Variants in CBX6 observed in about 807,000 individuals in gnomAD.
The protein encoded by CBX6 is chromobox 6.
In CBX6, 7 loss-of-function variants were observed where a neutral mutation model predicts 28.4. That is an observed-to-expected ratio of 0.25 (90% CI 0.14 to 0.46). The LOEUF (loss-of-function observed/expected upper bound fraction) is 0.46, where lower values mean the gene tolerates loss of function less well. Among genes scored for constraint, CBX6 ranks in the 20% least tolerant of loss-of-function variants. The probability of loss-of-function intolerance (pLI) is 0.99; values close to 1 mark genes in which losing one functional copy is unlikely to be tolerated. For missense variants in CBX6, 512 were observed against 606.1 expected (o/e 0.84, Z 1.63); for synonymous variants, 297 against 273.4 (o/e 1.09, Z -0.85).
At position 38,861,423 on chromosome 22, in the gene CBX6, G is replaced by A. The variant is rs776484135; in HGVS notation, c.*4786C>T. On this transcript the variant is annotated 3_prime_UTR_variant, in exon 5 of 5. Transcript: ENST00000407418. ...TACTTTTGAAAAGCCAGTCACAGCT[G>A]GAAGAAGACACAGACACACCCCAAC... is the stretch of plus-strand genomic sequence containing the variant. 2.0e-5 allele frequency: 3 copies of A among 152,246 alleles called. No individual in the cohort carries two copies. Among genetic ancestry groups the A allele is most frequent in the Non-Finnish European group, 2.9e-5 (2 of 68,072 alleles). The allele number at this position is 152,246 out of a possible 1,614,324, so 9.4% of individuals were successfully genotyped here.
Position 38,867,043 on chromosome 22 carries a change from G to A in CBX6, c.405C>T (p.Pro135=), listed in dbSNP as rs753002389. The change falls in exon 5 of 5, where the codon CCC becomes CCT. Residue 135 remains proline, a synonymous_variant. Coordinates refer to ENST00000407418, the MANE Select transcript of CBX6 (RefSeq NM_014292.5). ...GGCTGCCCCCCTGCGGGTCCGGGCG[G>A]GGCAGGGGACGGCGGGACATACGGT... The part of the protein sequence containing the change: ...RCHRMSRRPL[P]RPDPQGGSPG... 6.2e-7 allele frequency: 1 copy of A among 1,605,984 alleles called. No homozygotes were observed. The highest frequency in any genetic ancestry group is 2.2e-5 in the East Asian group (1 of 44,662).
In CBX6 at chr22:38,862,878, A is replaced by C. The variant is rs992265714; in HGVS notation, c.*3331T>G. 14 of 152,318 alleles carry C rather than the reference A, an allele frequency of 9.2e-5. No individual in the cohort carries two copies. The highest frequency in any genetic ancestry group is 1.8e-4 in the Non-Finnish European group (12 of 68,102). 9.4% of individuals were successfully genotyped at this position (152,318 alleles called of 1,614,324 possible). A position where few individuals can be genotyped will look rare whatever the true frequency, so the allele number is the denominator to read the frequency against. ...CATCCTGGGCCCCAGTCCCTGCCGCATTCCCCCAGTGAAGCAGCTGCGCTT... is the reference window on the plus strand; with the variant it reads ...CATCCTGGGCCCCAGTCCCTGCCGCCTTCCCCCAGTGAAGCAGCTGCGCTT... On this transcript the variant is annotated 3_prime_UTR_variant, in exon 5 of 5. Transcript: ENST00000407418.
Position 38,871,353 on chromosome 22 carries a change from G to T in CBX6, c.246+127C>A. On this transcript the variant is annotated intron_variant, in intron 4 of 4. Transcript: ENST00000407418. This position sits in a 1 kb window ranked among gnomAD's most constrained non-coding sequence, Gnocchi z 5.6. ...GGGGCTCACAACCACCCCCTGCCCA[G>T]CTGGGGCCCCTCTGAAAAGGCCGGC... 1 of 905,502 alleles carries T rather than the reference G, an allele frequency of 1.1e-6. No individual in the cohort carries two copies. 56.1% of individuals were successfully genotyped at this position (905,502 alleles called of 1,614,324 possible).
At position 38,862,412 on chromosome 22, in the gene CBX6, T is replaced by C. The variant is rs560194165; in HGVS notation, c.*3797A>G. The C allele has an allele frequency of 2.7e-5, 4 of 149,510 alleles. No individual in the cohort carries two copies. The highest frequency in any genetic ancestry group is 9.8e-5 in the African/African-American group (4 of 40,622). The allele number at this position is 149,510 out of a possible 1,614,324, so 9.3% of individuals were successfully genotyped here. A position where few individuals can be genotyped will look rare whatever the true frequency, so the allele number is the denominator to read the frequency against. ...GTCTTCCTTTTTTCTTTAAAAGTGT[T>C]TCCTCAAACCATCCCCGTCCCAAAG... On this transcript the variant is annotated 3_prime_UTR_variant, in exon 5 of 5. Transcript: ENST00000407418.
Position 38,871,449 on chromosome 22 carries a change from G to A in CBX6, c.246+31C>T, listed in dbSNP as rs200885581. ...CTGTGCCGGGGCTGGGGGCCCGAGA[G>A]GGGGATGCTGCTGGGGCTGGGCCAG... On this transcript the variant is annotated intron_variant, in intron 4 of 4. Coordinates refer to ENST00000407418, the MANE Select transcript of CBX6 (RefSeq NM_014292.5). This position sits in a 1 kb window ranked among gnomAD's most constrained non-coding sequence, Gnocchi z 5.6. The A allele has an allele frequency of 2.5e-6, 4 of 1,586,028 alleles. No homozygotes were observed. The highest frequency in any genetic ancestry group is 3.6e-5 in the Admixed American group (2 of 55,372).
Position 38,861,936 on chromosome 22 carries a change from G to A in CBX6, c.*4273C>T, listed in dbSNP as rs944569605. On this transcript the variant is annotated 3_prime_UTR_variant, in exon 5 of 5. Coordinates refer to ENST00000407418, the MANE Select transcript of CBX6 (RefSeq NM_014292.5). ...TTCGTGCACAATTCATTAAATGAAC[G>A]TCTCAAAAATTAAAAAAATTATAAG... 1 of 152,092 alleles carries A rather than the reference G, an allele frequency of 6.6e-6. No individual in the cohort carries two copies. The highest frequency in any genetic ancestry group is 2.1e-4 in the South Asian group (1 of 4,830). 9.4% of individuals were successfully genotyped at this position (152,092 alleles called of 1,614,324 possible).
In CBX6 at chr22:38,871,343, C is replaced by A; in HGVS notation, c.246+137G>T. ...GGCTTCTGGGGGGGCTCACAACCAC[C>A]CCCTGCCCAGCTGGGGCCCCTCTGA... On this transcript the variant is annotated intron_variant, in intron 4 of 4. Transcript: ENST00000407418. This position sits in a 1 kb window ranked among gnomAD's most constrained non-coding sequence, Gnocchi z 5.6. The A allele has an allele frequency of 1.3e-6, 1 of 773,098 alleles. No individual in the cohort carries two copies. Among genetic ancestry groups the A allele is most frequent in the Non-Finnish European group, 2.1e-6 (1 of 471,006 alleles). 47.9% of individuals were successfully genotyped at this position (773,098 alleles called of 1,614,324 possible).
chr22:38,865,921 A>G lies in CBX6; in HGVS notation c.*288T>C. ...GAAGCAAGCTAGAGAGACAGGTGGGATGTGGAAGGGGCAGAGGAACCCTAG... is the reference window on the plus strand; with the variant it reads ...GAAGCAAGCTAGAGAGACAGGTGGGGTGTGGAAGGGGCAGAGGAACCCTAG... On this transcript the variant is annotated 3_prime_UTR_variant, in exon 5 of 5. Transcript: ENST00000407418. 1 of 450,006 alleles carries G rather than the reference A, an allele frequency of 2.2e-6. No individual in the cohort carries two copies. Among genetic ancestry groups the G allele is most frequent in the Non-Finnish European group, 4.0e-6 (1 of 252,730 alleles). 27.9% of individuals were successfully genotyped at this position (450,006 alleles called of 1,614,324 possible). A position where few individuals can be genotyped will look rare whatever the true frequency, so the allele number is the denominator to read the frequency against.
rs1434648821 is a variant in CBX6 at position 38,872,089 on chromosome 22, G to A, written c.69+33C>T. On this transcript the variant is annotated intron_variant, in intron 1 of 4. Coordinates refer to ENST00000407418, the MANE Select transcript of CBX6 (RefSeq NM_014292.5). The surrounding 1 kb of genome is among the most constrained non-coding windows in gnomAD (Gnocchi z 5.0). ...GCCCCCGGCCCCGGCCCCGGCTGCG[G>A]ACAGCGGCGGCCCGCCCCGGGCGGC... 1 of 1,335,486 alleles carries A rather than the reference G, an allele frequency of 7.5e-7. No homozygotes were observed. Among genetic ancestry groups the A allele is most frequent in the Non-Finnish European group, 9.7e-7 (1 of 1,032,818 alleles). 82.7% of individuals were successfully genotyped at this position (1,335,486 alleles called of 1,614,324 possible).
At chr22:38,868,148 G>C (rs1184836880) in intron 4 of CBX6, among the ~76,000 whole-genome samples, 1 of 152,208 alleles carries the variant, frequency 6.6e-6, no homozygotes. Flanking sequence ...ATGGAGAGAG[G>C]CTAAGGGACT....
In CBX6 at chr22:38,866,540, G is replaced by C. The variant is rs1469740429; in HGVS notation, c.908C>G (p.Ser303Cys). Residue 303 changes from serine to cysteine, a missense_variant, in exon 5 of 5, where the codon TCC becomes TGC. Transcript: ENST00000407418. This position sits in a 1 kb window ranked among gnomAD's most constrained non-coding sequence, Gnocchi z 7.5. Reference protein sequence around the residue: ...PKLLPETVSPSAPSWREPEVL... With the variant: ...PKLLPETVSPCAPSWREPEVL... ...CTCCGGCTCGCGCCAGCTGGGGGCG[G>C]ATGGGCTCACGGTCTCGGGGAGGAG... The C allele has an allele frequency of 5.1e-6, 8 of 1,580,418 alleles. No individual in the cohort carries two copies. Among genetic ancestry groups the C allele is most frequent in the Non-Finnish European group, 6.8e-6 (8 of 1,170,436 alleles).
chr22:38,871,375 C>G lies in CBX6; in HGVS notation c.246+105G>C, dbSNP rs780699452. 3 of 1,215,510 alleles carry G rather than the reference C, an allele frequency of 2.5e-6. No individual in the cohort carries two copies. The South Asian group carries it at 4.2e-5, about 17-fold the overall frequency. 75.3% of individuals were successfully genotyped at this position (1,215,510 alleles called of 1,614,324 possible). ...CCAGCTGGGGCCCCTCTGAAAAGGC[C>G]GGCCCGCTTGGGCGGCCGCGTATCT... On this transcript the variant is annotated intron_variant, in intron 4 of 4. Transcript: ENST00000407418. The surrounding 1 kb of genome is among the most constrained non-coding windows in gnomAD (Gnocchi z 5.6).
rs371594450 is a variant in CBX6 at position 38,868,674 on chromosome 22, C to T, written c.247-1473G>A. 8.4e-4 allele frequency among the ~76,000 whole-genome samples: 127 copies of T among 152,058 alleles called. 6 individuals are homozygous for T. In the South Asian group the frequency reaches 0.026, roughly 31 times the overall value. ...GGGAGGCTTGTTAGGTGATGGCTGC[C>T]CTCAATCTAGGTGGGAGATGGTTGG... On this transcript the variant is annotated intron_variant, in intron 4 of 4. Transcript: ENST00000407418.
rs2093170965 is a variant in CBX6, at chr22:38,866,686, G to A, written c.762C>T (p.Ala254=). 1 of 1,558,158 alleles carries A rather than the reference G, an allele frequency of 6.4e-7. No individual in the cohort carries two copies. The highest frequency in any genetic ancestry group is 1.4e-5 in the African/African-American group (1 of 72,824). Residue 254 remains alanine, a synonymous_variant, in exon 5 of 5, where the codon GCC becomes GCT. Coordinates refer to ENST00000407418, the MANE Select transcript of CBX6 (RefSeq NM_014292.5). This position sits in a 1 kb window ranked among gnomAD's most constrained non-coding sequence, Gnocchi z 7.5. The part of the protein sequence containing the change: ...APSPGKAEAS[A]PGPGLLLAAP... Reference sequence around the variant, plus strand: ...CGGCCAGAAGTAGCCCAGGGCCCGGGGCTGAGGCCTCAGCCTTGCCGGGGG... The same window carrying A: ...CGGCCAGAAGTAGCCCAGGGCCCGGAGCTGAGGCCTCAGCCTTGCCGGGGG...
chr22:38,866,514 C>T lies in CBX6; in HGVS notation c.934G>A (p.Val312Met). 1 of 1,584,894 alleles carries T rather than the reference C, an allele frequency of 6.3e-7. No homozygotes were observed. Among genetic ancestry groups the T allele is most frequent in the Non-Finnish European group, 8.5e-7 (1 of 1,171,844 alleles). The change falls in exon 5 of 5, where the codon GTG becomes ATG. Residue 312 changes from valine to methionine, a missense_variant. Physicochemically the swap from Val to Met is conservative, Grantham distance 21. This residue lies in a region of CBX6 where 290 missense variants were observed against 274.1 expected (regional missense o/e 1.06). Transcript: ENST00000407418. This position sits in a 1 kb window ranked among gnomAD's most constrained non-coding sequence, Gnocchi z 7.5. ...TCGGGAGGGAGGGACAGGTCGAGCA[C>T]CTCCGGCTCGCGCCAGCTGGGGGCG... Reference protein sequence around the residue: ...PSAPSWREPEVLDLSLPPESA... With the variant: ...PSAPSWREPEMLDLSLPPESA...
chr22:38,866,688 C>A lies in CBX6; in HGVS notation c.760G>T (p.Ala254Ser). Residue 254 changes from alanine (A) to serine (S), a missense_variant, in exon 5 of 5, where the codon GCC (alanine) becomes TCC (serine). Physicochemically the swap from Ala to Ser is moderately conservative, Grantham distance 99 (BLOSUM62 1). This residue lies in a region of CBX6 where 290 missense variants were observed against 274.1 expected (regional missense o/e 1.06). Transcript: ENST00000407418. This position sits in a 1 kb window ranked among gnomAD's most constrained non-coding sequence, Gnocchi z 7.5. ...GCCAGAAGTAGCCCAGGGCCCGGGG[C>A]TGAGGCCTCAGCCTTGCCGGGGGAC... Reference protein sequence around the residue: ...APSPGKAEASAPGPGLLLAAP... With the variant: ...APSPGKAEASSPGPGLLLAAP... The A allele has an allele frequency of 7.1e-7, 1 of 1,415,814 alleles. No homozygotes were observed. The highest frequency in any genetic ancestry group is 1.2e-5 in the South Asian group (1 of 80,360). The allele number at this position is 1,415,814 out of a possible 1,614,324, so 87.7% of individuals were successfully genotyped here. A position where few individuals can be genotyped will look rare whatever the true frequency, so the allele number is the denominator to read the frequency against.
At position 38,866,017 on chromosome 22, in the gene CBX6, C is replaced by T; in HGVS notation, c.*192G>A. 1.7e-6 allele frequency: 1 copy of T among 600,988 alleles called. No homozygotes were observed. 37.2% of individuals were successfully genotyped at this position (600,988 alleles called of 1,614,324 possible). A position where few individuals can be genotyped will look rare whatever the true frequency, so the allele number is the denominator to read the frequency against. On this transcript the variant is annotated 3_prime_UTR_variant, in exon 5 of 5. Transcript: ENST00000407418. The surrounding 1 kb of genome is among the most constrained non-coding windows in gnomAD (Gnocchi z 7.5). ...GCAGGGGGTGTGCCCTTCCCCTGCC[C>T]CATTCCAGGGTGGCCCCTACCCCCG... is the stretch of plus-strand genomic sequence containing the variant.
rs1339292261 is a variant in CBX6, at chr22:38,867,131, G to C, written c.317C>G (p.Ser106Cys). 4 of 1,581,734 alleles carry C rather than the reference G, an allele frequency of 2.5e-6. No individual in the cohort carries two copies. The South Asian group carries it at 4.6e-5, about 18-fold the overall frequency. Residue 106 changes from serine to cysteine, a missense_variant, in exon 5 of 5, where the codon TCC becomes TGC. Physicochemically the swap from Ser to Cys is moderately radical, Grantham distance 112. Coordinates refer to ENST00000407418, the MANE Select transcript of CBX6 (RefSeq NM_014292.5). The part of the protein sequence containing the change: ...HFSVKPSASA[S>C]SPKLHSSAAV... ...TGCGCTGGAGTGCAGCTTGGGCGAGGAGGCACTGGCGCTCGGCTTGACAGA... is the reference window on the plus strand; with the variant it reads ...TGCGCTGGAGTGCAGCTTGGGCGAGCAGGCACTGGCGCTCGGCTTGACAGA...
Position 38,871,445 on chromosome 22 carries a change from G to C in CBX6, c.246+35C>G. ...CGTGCTGTGCCGGGGCTGGGGGCCC[G>C]AGAGGGGGATGCTGCTGGGGCTGGG... On this transcript the variant is annotated intron_variant, in intron 4 of 4. Coordinates refer to ENST00000407418, the MANE Select transcript of CBX6 (RefSeq NM_014292.5). This position sits in a 1 kb window ranked among gnomAD's most constrained non-coding sequence, Gnocchi z 5.6. The C allele has an allele frequency of 1.3e-6, 2 of 1,579,778 alleles. No individual in the cohort carries two copies. The highest frequency in any genetic ancestry group is 1.1e-5 in the South Asian group (1 of 87,464).
Sources: gnomAD v4.1 joint callset for allele counts (sites outside exome capture counted in the v4.1 genomes callset) on GRCh38, gnomAD v4.1.1 for gene constraint, gnomAD v4.1.1 regional missense constraint, Gnocchi (gnomAD v3.1) non-coding constraint, MANE v1.5 for transcripts, NCBI Gene and HGNC (gene_info 2026-07-23, HGNC 2026-07-21) for gene names.